ITPR2: variants seen among roughly 807,000 people sequenced by gnomAD.
ITPR2 encodes inositol 1,4,5-trisphosphate receptor type 2, also known as inositol 1,4,5-trisphosphate-gated calcium channel ITPR2.
ITPR2 carries 207 observed loss-of-function variants against 317.1 expected under a neutral mutation model. That is an observed-to-expected ratio of 0.65 (90% CI 0.58 to 0.73). ITPR2 has a LOEUF of 0.73. Ranked by LOEUF, ITPR2 falls within the 30% of genes least tolerant of loss-of-function variation. The pLI, the probability that ITPR2 is intolerant of heterozygous loss-of-function variation, is 0.00. For synonymous variants in ITPR2, 1,156 were observed against 1,149.1 expected (o/e 1.01, Z -0.12); for missense variants, 2,613 against 3,284.0 (o/e 0.80, Z 4.99).
chr12:26,643,337 T>C (rs999366762), intron 21 of ITPR2, among the ~76,000 whole-genome samples: 4 of 152,216 alleles, frequency 2.6e-5, no homozygotes, highest in African/African-American at 9.6e-5. Flanking sequence ...GATGCTGCTA[T>C]AACAAATATC....
intron 55 of ITPR2, among the ~76,000 whole-genome samples, chr12:26,363,608 T>G (rs1938912035): frequency 6.6e-6 from 1 of 151,894 alleles, no homozygotes; most frequent in Non-Finnish European, 1.5e-5. Flanking sequence ...TCTCTCCAGA[T>G]CACAATGCAC....
intron 2 of ITPR2, among the ~76,000 whole-genome samples, chr12:26,727,615 G>A (rs1018529547): frequency 6.6e-6 from 1 of 152,216 alleles, no homozygotes; most frequent in Non-Finnish European, 1.5e-5. Flanking sequence ...GGTGGCTGAG[G>A]TCACTGTGAA....
chr12:26,504,765 T>C (rs1301850674), intron 37 of ITPR2, among the ~76,000 whole-genome samples: 3 of 152,184 alleles, frequency 2.0e-5, no homozygotes, highest in Admixed American at 6.5e-5. Flanking sequence ...ATCTGCATGA[T>C]AGCAATAGCA....
intron 39 of ITPR2, among the ~76,000 whole-genome samples, chr12:26,492,091 G>A (rs141450469): frequency 1.3e-5 from 2 of 152,184 alleles, no homozygotes; most frequent in Non-Finnish European, 2.9e-5. Flanking sequence ...TTTGCAGAAG[G>A]CTAAGAAGAA....
intron 55 of ITPR2, among the ~76,000 whole-genome samples, chr12:26,364,178 T>C (rs879687968): frequency 1.3e-5 from 2 of 152,248 alleles, no homozygotes; most frequent in Admixed American, 1.3e-4. Context: ...TTTGATTTTA[T>C]TTAACAGTGA....
chr12:26,438,750 G>T (rs778151183), intron 47 of ITPR2, among the ~76,000 whole-genome samples: 28 of 152,224 alleles, frequency 1.8e-4, no homozygotes, highest in Non-Finnish European at 4.1e-4. Context: ...AACAGAGGAA[G>T]AGTGCGCAGG....
intron 2 of ITPR2, among the ~76,000 whole-genome samples, chr12:26,736,866 A>G (rs1282695753): frequency 6.6e-6 from 1 of 152,220 alleles, no homozygotes; most frequent in East Asian, 1.9e-4. Flanking sequence ...CAAATTAGCC[A>G]GTATCCAAAG....
At chr12:26,634,656 C>A (rs988535351) in intron 21 of ITPR2, among the ~76,000 whole-genome samples, 2 of 151,890 alleles carry the variant, frequency 1.3e-5, no homozygotes, top group South Asian at 4.1e-4. Flanking sequence ...GAGGCCAAGG[C>A]GGGTGGATCA....
chr12:26,525,276 A>G (rs1943782076), intron 37 of ITPR2, among the ~76,000 whole-genome samples: 1 of 152,208 alleles, frequency 6.6e-6, no homozygotes, highest in Non-Finnish European at 1.5e-5. Context: ...TCAGGTCTTC[A>G]TGTCTTTCAT....
chr12:26,678,697 A>C (rs986794955), intron 13 of ITPR2, among the ~76,000 whole-genome samples: 16 of 152,198 alleles, frequency 1.1e-4, no homozygotes, highest in Admixed American at 2.0e-4. Flanking sequence ...TCTTAGGCAA[A>C]GCCTTCTCTT....
chr12:26,378,058 T>C (rs1303818581), intron 55 of ITPR2, among the ~76,000 whole-genome samples: 2 of 152,070 alleles, frequency 1.3e-5, no homozygotes, highest in Non-Finnish European at 2.9e-5. Flanking sequence ...TTATGCTGAG[T>C]GCCTACTATA....
At chr12:26,778,806 T>C (rs1032414259) in intron 2 of ITPR2, among the ~76,000 whole-genome samples, 50 of 152,156 alleles carry the variant, frequency 3.3e-4, no homozygotes, top group African/African-American at 1.0e-3. Context: ...ATACATCCAA[T>C]TACAGTTCAG....
chr12:26,540,331 G>A (rs1304036839), intron 37 of ITPR2, among the ~76,000 whole-genome samples: 1 of 152,122 alleles, frequency 6.6e-6, no homozygotes, highest in African/African-American at 2.4e-5. Context: ...AAACTAAATG[G>A]GAAATACTTC....
At chr12:26,451,813 G>GA (rs1941749295) in intron 45 of ITPR2, among the ~76,000 whole-genome samples, 2 of 151,914 alleles carry the variant, frequency 1.3e-5, no homozygotes, top group African/African-American at 4.8e-5. Flanking sequence ...AAGCAGGAGA[G>GA]AAAAAAAGGA....
At chr12:26,695,934 T>G (rs1948337172) in intron 9 of ITPR2, among the ~76,000 whole-genome samples, 1 of 152,144 alleles carries the variant, frequency 6.6e-6, no homozygotes, top group African/African-American at 2.4e-5. Context: ...TGGAAAAATA[T>G]TCAATAGAGT....
At position 26,556,236 on chromosome 12, in the gene ITPR2, G is replaced by A. The variant is rs779196818; in HGVS notation, c.4961C>T (p.Ser1654Leu). The change falls in exon 36 of 57, where the codon TCG becomes TTG. Residue 1654 changes from serine (S) to leucine (L), a missense_variant. This residue lies in a region of ITPR2 where 926 missense variants were observed against 1,072.8 expected (regional missense o/e 0.86). Coordinates refer to ENST00000381340, the MANE Select transcript of ITPR2 (RefSeq NM_002223.4). ...ATCTCAGATTGGATCCACTTACTTC[G>A]ACATGAAAGCGCCACATCTTATTCT... ...DARIRCGAFM[S>L]KLINHTKKLM... 1.9e-6 allele frequency: 3 copies of A among 1,613,150 alleles called. No individual in the cohort carries two copies. The highest frequency in any genetic ancestry group is 2.2e-5 in the South Asian group (2 of 90,828).
intron 2 of ITPR2, among the ~76,000 whole-genome samples, chr12:26,751,175 G>T (rs1262556698): frequency 6.6e-6 from 1 of 152,028 alleles, no homozygotes; most frequent in Admixed American, 6.6e-5. Flanking sequence ...AATAATGTGG[G>T]CAACTCAGTA....
intron 55 of ITPR2, among the ~76,000 whole-genome samples, chr12:26,366,638 A>G (rs1415269942): frequency 1.3e-5 from 2 of 152,192 alleles, no homozygotes; most frequent in Non-Finnish European, 2.9e-5. Flanking sequence ...TACCTCTGCC[A>G]CAGGAGGGAA....
At chr12:26,674,474 G>A (rs1475499708) in intron 13 of ITPR2, among the ~76,000 whole-genome samples, 2 of 152,140 alleles carry the variant, frequency 1.3e-5, no homozygotes, top group East Asian at 3.8e-4. Context: ...AAATGGTGCT[G>A]GGAAAACTGG....
Sources: gnomAD v4.1 joint callset for allele counts (sites outside exome capture counted in the v4.1 genomes callset) on GRCh38, gnomAD v4.1.1 for gene constraint, gnomAD v4.1.1 regional missense constraint, MANE v1.5 for transcripts, NCBI Gene and HGNC (gene_info 2026-07-23, HGNC 2026-07-21) for gene names.